Variants in KCNJ3 observed in about 807,000 individuals in gnomAD.
The protein encoded by KCNJ3 is G protein-activated inward rectifier potassium channel 1.
In KCNJ3, 4 loss-of-function variants were observed where a neutral mutation model predicts 39.2. The ratio of observed to expected loss-of-function variants is 0.10; its 90% CI spans 0.05 to 0.23. The LOEUF (loss-of-function observed/expected upper bound fraction) is 0.23. Ranked by LOEUF, KCNJ3 falls within the 10% of genes least tolerant of loss-of-function variation. The pLI, the probability that KCNJ3 is intolerant of heterozygous loss-of-function variation, is 1.00. For synonymous variants in KCNJ3, 230 were observed against 237.4 expected (o/e 0.97, Z 0.29); for missense variants, 276 against 634.9 (o/e 0.43, Z 6.08).
chr2:154,738,594 T>C (rs1386692198), intron 2 of KCNJ3, among the ~76,000 whole-genome samples: 1 of 151,674 alleles, frequency 6.6e-6, no homozygotes, highest in Non-Finnish European at 1.5e-5. Context: ...AAAATAAAAA[T>C]TAAAAATTAA....
chr2:154,739,481 T>C (rs1314790946), intron 2 of KCNJ3, among the ~76,000 whole-genome samples: 2 of 152,052 alleles, frequency 1.3e-5, no homozygotes, highest in African/African-American at 2.4e-5. Context: ...TTCTCGTCTT[T>C]CTCCTGTCAT....
chr2:154,699,625 A>C lies in KCNJ3; in HGVS notation c.702+148A>C, dbSNP rs948269394. ...CTTTTGGGGGGTTGGGGGTTGGAGGACTGGGCAAAGAATGCGGTTGACAGT... is the reference window on the plus strand; with the variant it reads ...CTTTTGGGGGGTTGGGGGTTGGAGGCCTGGGCAAAGAATGCGGTTGACAGT... On this transcript the variant is annotated intron_variant, in intron 1 of 2. Coordinates refer to ENST00000295101, the MANE Select transcript of KCNJ3 (RefSeq NM_002239.4). The surrounding 1 kb of genome is among the most constrained non-coding windows in gnomAD (Gnocchi z 6.4). 3.3e-6 allele frequency: 4 copies of C among 1,205,526 alleles called. No individual in the cohort carries two copies. Among genetic ancestry groups the C allele is most frequent in the Non-Finnish European group, 4.5e-6 (4 of 887,984 alleles). 74.7% of individuals were successfully genotyped at this position (1,205,526 alleles called of 1,614,324 possible). A position where few individuals can be genotyped will look rare whatever the true frequency, so the allele number is the denominator to read the frequency against.
chr2:154,783,883 C>T (rs1686482479), intron 2 of KCNJ3, among the ~76,000 whole-genome samples: 1 of 152,076 alleles, frequency 6.6e-6, no homozygotes, highest in Admixed American at 6.6e-5. Context: ...TTTGGATTAC[C>T]ACTATTATTG....
intron 2 of KCNJ3, among the ~76,000 whole-genome samples, chr2:154,726,213 A>T (rs1250030737): frequency 6.6e-6 from 1 of 152,182 alleles, no homozygotes; most frequent in African/African-American, 2.4e-5. Flanking sequence ...CAGACTATGC[A>T]TATGACAAAG....
At chr2:154,844,850 C>T (rs925616769) in intron 2 of KCNJ3, among the ~76,000 whole-genome samples, 2 of 152,138 alleles carry the variant, frequency 1.3e-5, no homozygotes, top group Non-Finnish European at 2.9e-5. Context: ...AGGTAGTCTG[C>T]CATGGCTTCC....
At chr2:154,825,123 T>G in intron 2 of KCNJ3, among the ~76,000 whole-genome samples, 1 of 152,180 alleles carries the variant, frequency 6.6e-6, no homozygotes, top group East Asian at 1.9e-4. Context: ...GCTTCCCTTT[T>G]GGGCATGCTA....
At chr2:154,750,141 C>G (rs1423313211) in intron 2 of KCNJ3, among the ~76,000 whole-genome samples, 1 of 151,646 alleles carries the variant, frequency 6.6e-6, no homozygotes, top group South Asian at 2.1e-4. Flanking sequence ...TCCTATTGAA[C>G]AATATTAAAG....
chr2:154,723,296 G>GATGAA (rs1685295306), intron 2 of KCNJ3, among the ~76,000 whole-genome samples: 1 of 151,112 alleles, frequency 6.6e-6, no homozygotes, highest in African/African-American at 2.4e-5. Context: ...AAAATAAAAA[G>GATGAA]ATAAAATAAA....
At chr2:154,702,103 C>T (rs187765178) in intron 1 of KCNJ3, among the ~76,000 whole-genome samples, 2 of 151,982 alleles carry the variant, frequency 1.3e-5, no homozygotes, top group African/African-American at 2.4e-5. Context: ...AGAAGCTATA[C>T]CAAAATCTTG....
intron 2 of KCNJ3, among the ~76,000 whole-genome samples, chr2:154,795,300 A>G (rs1009480162): frequency 6.6e-6 from 1 of 152,058 alleles, no homozygotes; most frequent in Non-Finnish European, 1.5e-5. Context: ...ATTTTGATTG[A>G]AAGAATGACT....
chr2:154,846,567 A>G (rs373411303), intron 2 of KCNJ3, among the ~76,000 whole-genome samples: 1 of 152,182 alleles, frequency 6.6e-6, no homozygotes, highest in Non-Finnish European at 1.5e-5. Context: ...TCTTACTAAC[A>G]GTGAGTTATC....
chr2:154,780,444 T>C lies in KCNJ3; in HGVS notation c.919+70625T>C, dbSNP rs142650337. Among the ~76,000 whole-genome samples the C allele has an allele frequency of 9.2e-3, 1,398 of 152,292 alleles. 7 individuals are homozygous for C. The highest frequency in any genetic ancestry group is 0.017 in the Middle Eastern group (5 of 294). ...ATGATAGGATTTACATGATGGATAATGACTGCATTATCAGTGTGAAGGGTG... is the reference window on the plus strand; with the variant it reads ...ATGATAGGATTTACATGATGGATAACGACTGCATTATCAGTGTGAAGGGTG... On this transcript the variant is annotated intron_variant, in intron 2 of 2. Coordinates refer to ENST00000295101, the MANE Select transcript of KCNJ3 (RefSeq NM_002239.4).
At chr2:154,841,635 C>T (rs1687578873) in intron 2 of KCNJ3, among the ~76,000 whole-genome samples, 1 of 152,072 alleles carries the variant, frequency 6.6e-6, no homozygotes, top group African/African-American at 2.4e-5. Context: ...TTCAGAGATT[C>T]AACTTCTTCC....
intron 2 of KCNJ3, among the ~76,000 whole-genome samples, chr2:154,837,079 GT>G (rs1406877362): frequency 6.6e-6 from 1 of 152,136 alleles, no homozygotes; most frequent in African/African-American, 2.4e-5. Context: ...AAGTGTGTAA[GT>G]GTATCAAAAT....
At chr2:154,794,048 C>G (rs968955921) in intron 2 of KCNJ3, among the ~76,000 whole-genome samples, 5 of 151,838 alleles carry the variant, frequency 3.3e-5, no homozygotes, top group African/African-American at 1.2e-4. Flanking sequence ...CAAAGCTAAT[C>G]TATGAGAAAA....
At chr2:154,754,675 A>C (rs1045980481) in intron 2 of KCNJ3, among the ~76,000 whole-genome samples, 4 of 134,614 alleles carry the variant, frequency 3.0e-5, no homozygotes, top group African/African-American at 1.0e-4. Flanking sequence ...TTACATGTCT[A>C]TTTTTGAGAT....
At chr2:154,724,740 A>C (rs1326589821) in intron 2 of KCNJ3, among the ~76,000 whole-genome samples, 4 of 151,612 alleles carry the variant, frequency 2.6e-5, no homozygotes, top group African/African-American at 9.7e-5. Context: ...TGAGAGAATA[A>C]AACCTGCTGC....
At position 154,762,900 on chromosome 2, in the gene KCNJ3, C is replaced by T. The variant is rs568938398; in HGVS notation, c.919+53081C>T. On this transcript the variant is annotated intron_variant, in intron 2 of 2. Transcript: ENST00000295101. Reference sequence around the variant, plus strand: ...CTACTTGGACTAGAGAAATAAAAAGCGGGTAGGGAGGAGTGGATAAAATGC... The same window carrying T: ...CTACTTGGACTAGAGAAATAAAAAGTGGGTAGGGAGGAGTGGATAAAATGC... Among the ~76,000 whole-genome samples the T allele has an allele frequency of 1.4e-4, 22 of 152,104 alleles. No homozygotes were observed. In the East Asian group the frequency reaches 1.5e-3, roughly 11 times the overall value.
At chr2:154,845,120 G>GA (rs1687644052) in intron 2 of KCNJ3, among the ~76,000 whole-genome samples, 1 of 151,936 alleles carries the variant, frequency 6.6e-6, no homozygotes, top group African/African-American at 2.4e-5. Flanking sequence ...TTTTTCTTTT[G>GA]AAAAAAATAT....
Sources: allele counts gnomAD v4.1 joint callset (sites outside exome capture counted in the v4.1 genomes callset), GRCh38; gene constraint gnomAD v4.1.1; non-coding constraint Gnocchi (gnomAD v3.1); transcripts MANE v1.5; gene names NCBI Gene and HGNC (gene_info 2026-07-23, HGNC 2026-07-21).